GRM3: variants seen among roughly 807,000 people sequenced by gnomAD.
GRM3 encodes metabotropic glutamate receptor 3.
In GRM3, 26 loss-of-function variants were observed where a neutral mutation model predicts 70.5. The ratio of observed to expected loss-of-function variants is 0.37; its 90% CI spans 0.27 to 0.51. The LOEUF is 0.51. Ranked by LOEUF, GRM3 falls within the 20% of genes least tolerant of loss-of-function variation. The pLI is 0.93. For missense variants in GRM3, 859 were observed against 1,123.8 expected (o/e 0.76, Z 3.37); for synonymous variants, 443 against 434.9 (o/e 1.02, Z -0.23).
At chr7:86,652,711 CGAA>C (rs2115784126) in intron 1 of GRM3, among the ~76,000 whole-genome samples, 1 of 152,226 alleles carries the variant, frequency 6.6e-6, no homozygotes, top group African/African-American at 2.4e-5. Context: ...AATTGAAAAA[CGAA>C]GAATAGTTAA....
chr7:86,742,335 A>G (rs1337917174), intron 1 of GRM3, among the ~76,000 whole-genome samples: 1 of 152,178 alleles, frequency 6.6e-6, no homozygotes. Flanking sequence ...TCATGAGGAA[A>G]TCAAAAGTCC....
At chr7:86,712,987 T>C (rs1194057795) in intron 1 of GRM3, among the ~76,000 whole-genome samples, 1 of 152,108 alleles carries the variant, frequency 6.6e-6, no homozygotes, top group Non-Finnish European at 1.5e-5. Flanking sequence ...TTTGGATATA[T>C]AACCAAGAGT....
rs539262545 is a variant in GRM3 at position 86,827,816 on chromosome 7, AAG to A, written c.1325-11017_1325-11016del. ...ACCACGCCCACTGTCAAATTTTTAA[AAG>A]AGAGAAAAATCCAGGCCGGTGCGGT... On this transcript the variant is annotated intron_variant, in intron 3 of 5. Transcript: ENST00000361669. 2.3e-3 allele frequency among the ~76,000 whole-genome samples: 344 copies of A among 152,254 alleles called. 2 individuals are homozygous for A. The highest frequency in any genetic ancestry group is 7.8e-3 in the African/African-American group (323 of 41,566).
At chr7:86,687,577 G>A (rs112005129) in intron 1 of GRM3, among the ~76,000 whole-genome samples, 2,143 of 150,838 alleles carry the variant, frequency 0.014, 30 homozygotes, top group African/African-American at 0.029. Context: ...AACAAAAGCC[G>A]AGAATGTTTT....
At chr7:86,769,627 G>T (rs1302047908) in intron 2 of GRM3, among the ~76,000 whole-genome samples, 1 of 152,140 alleles carries the variant, frequency 6.6e-6, no homozygotes, top group Non-Finnish European at 1.5e-5. Flanking sequence ...TGCTGTGTTA[G>T]TTCATACAAT....
intron 1 of GRM3, among the ~76,000 whole-genome samples, chr7:86,699,244 G>A (rs947912627): frequency 3.4e-4 from 52 of 151,920 alleles, no homozygotes; most frequent in Admixed American, 3.4e-3. Flanking sequence ...GAATAGCAGA[G>A]GTTAACACCT....
At chr7:86,740,391 A>G (rs1795958491) in intron 1 of GRM3, among the ~76,000 whole-genome samples, 1 of 152,166 alleles carries the variant, frequency 6.6e-6, no homozygotes, top group Non-Finnish European at 1.5e-5. Context: ...AGATAACAAG[A>G]AGCCCAAAGC....
chr7:86,758,034 T>C (rs1295162307), intron 1 of GRM3, among the ~76,000 whole-genome samples: 1 of 152,198 alleles, frequency 6.6e-6, no homozygotes, highest in Non-Finnish European at 1.5e-5. Context: ...CCTAATTCTG[T>C]ATTTATTACT....
At chr7:86,761,196 C>A (rs554244655) in intron 1 of GRM3, among the ~76,000 whole-genome samples, 6 of 152,238 alleles carry the variant, frequency 3.9e-5, no homozygotes, top group Admixed American at 3.3e-4. Flanking sequence ...TAGCCTAGTG[C>A]ACACATAGTG....
chr7:86,756,573 C>T (rs1188700052), intron 1 of GRM3, among the ~76,000 whole-genome samples: 1 of 152,120 alleles, frequency 6.6e-6, no homozygotes, highest in East Asian at 1.9e-4. Context: ...AGTCAGCTAT[C>T]ATTAATATTG....
At chr7:86,824,156 C>T (rs928951199) in intron 3 of GRM3, among the ~76,000 whole-genome samples, 1 of 152,144 alleles carries the variant, frequency 6.6e-6, no homozygotes, top group Non-Finnish European at 1.5e-5. Flanking sequence ...TGATTCTGCC[C>T]ATTAGGGAGG....
chr7:86,706,490 G>A (rs1010748083), intron 1 of GRM3, among the ~76,000 whole-genome samples: 4 of 152,058 alleles, frequency 2.6e-5, no homozygotes, highest in Non-Finnish European at 5.9e-5. Flanking sequence ...TCCAGTTGGT[G>A]TTAGTCAAAG....
intron 1 of GRM3, among the ~76,000 whole-genome samples, chr7:86,727,617 A>G (rs1418035377): frequency 2.0e-5 from 3 of 152,210 alleles, no homozygotes; most frequent in African/African-American, 4.8e-5. Flanking sequence ...GACAGATTAT[A>G]GCACTGACCA....
At chr7:86,740,891 T>G (rs1380640672) in intron 1 of GRM3, among the ~76,000 whole-genome samples, 1 of 152,184 alleles carries the variant, frequency 6.6e-6, no homozygotes, top group Non-Finnish European at 1.5e-5. Context: ...GTCTATTACT[T>G]AGCACATTGT....
intron 1 of GRM3, among the ~76,000 whole-genome samples, chr7:86,747,616 T>C (rs1024511420): frequency 7.2e-5 from 11 of 152,074 alleles, no homozygotes; most frequent in African/African-American, 2.4e-4. Context: ...GAAGACTCAA[T>C]TGGGATACCT....
chr7:86,723,381 A>G (rs1016215175), intron 1 of GRM3, among the ~76,000 whole-genome samples: 2 of 152,186 alleles, frequency 1.3e-5, no homozygotes, highest in African/African-American at 2.4e-5. Flanking sequence ...GAAATATTAT[A>G]CATAATGGTG....
chr7:86,706,518 T>C (rs1366035573), intron 1 of GRM3, among the ~76,000 whole-genome samples: 1 of 151,990 alleles, frequency 6.6e-6, no homozygotes, highest in African/African-American at 2.4e-5. Context: ...TATGAAAGGC[T>C]TTGTGGTGGG....
intron 2 of GRM3, among the ~76,000 whole-genome samples, chr7:86,771,689 C>G (rs1281655302): frequency 1.3e-5 from 2 of 151,954 alleles, no homozygotes; most frequent in African/African-American, 4.8e-5. Context: ...ATTGAAATAT[C>G]AAGACCATAC....
In GRM3 at chr7:86,864,543, CTAT is replaced by C. The variant is rs977246700; in HGVS notation, c.*194_*196del. ...ACTTTCTAGGCTGAGTCTAGTGCCCCTATTATTAACAATTCCCCCAGAACATGG... is the reference window on the plus strand; with the variant it reads ...ACTTTCTAGGCTGAGTCTAGTGCCCCTATTAACAATTCCCCCAGAACATGG... On this transcript the variant is annotated 3_prime_UTR_variant, in exon 6 of 6. Coordinates refer to ENST00000361669, the MANE Select transcript of GRM3 (RefSeq NM_000840.3). 80 of 498,590 alleles carry C rather than the reference CTAT, an allele frequency of 1.6e-4. No individual in the cohort carries two copies. Among genetic ancestry groups the C allele is most frequent in the Middle Eastern group, 5.3e-4 (1 of 1,900 alleles). The allele number at this position is 498,590 out of a possible 1,614,324, so 30.9% of individuals were successfully genotyped here.
Sources: gnomAD v4.1 joint callset for allele counts (sites outside exome capture counted in the v4.1 genomes callset) on GRCh38, gnomAD v4.1.1 for gene constraint, MANE v1.5 for transcripts, NCBI Gene and HGNC (gene_info 2026-07-23, HGNC 2026-07-21) for gene names.